Variants in PRKG1 observed in about 807,000 individuals in gnomAD.
PRKG1 encodes protein kinase cGMP-dependent 1.
In PRKG1, 35 loss-of-function variants were observed where a neutral mutation model predicts 88.1. The ratio of observed to expected loss-of-function variants is 0.40; its 90% CI spans 0.30 to 0.53. PRKG1 has a LOEUF of 0.53. PRKG1 is among the 20% of genes least tolerant of loss of function. PRKG1 has a pLI of 0.59. For synonymous variants in PRKG1, 303 were observed against 292.5 expected, an observed-to-expected ratio of 1.04 and a Z score of -0.37; for missense variants, 540 against 839.8, an observed-to-expected ratio of 0.64 and a Z score of 4.41.
intron 2 of PRKG1, among the ~76,000 whole-genome samples, chr10:51,398,969 G>A (rs533832101): frequency 3.3e-5 from 5 of 152,196 alleles, no homozygotes; most frequent in African/African-American, 1.2e-4. Flanking sequence ...AGTTCCTCTG[G>A]TTCTCAAGCC....
intron 3 of PRKG1, among the ~76,000 whole-genome samples, chr10:51,656,250 T>C (rs985464938): frequency 6.6e-6 from 1 of 152,210 alleles, no homozygotes; most frequent in Non-Finnish European, 1.5e-5. Context: ...TACAGTTGTA[T>C]GATGCATTTT....
chr10:51,355,607 T>A (rs1015692434), intron 2 of PRKG1, among the ~76,000 whole-genome samples: 7 of 152,108 alleles, frequency 4.6e-5, no homozygotes, highest in Admixed American at 3.9e-4. Context: ...TAACTTAGCG[T>A]GTTTGACAGG....
At chr10:52,226,782 G>A (rs1191609058) in intron 9 of PRKG1, among the ~76,000 whole-genome samples, 3 of 130,210 alleles carry the variant, frequency 2.3e-5, no homozygotes, top group East Asian at 4.0e-4. Flanking sequence ...AAAGGAACAG[G>A]TCAAAATCCA....
At chr10:51,198,597 G>A (rs1218238047) in intron 2 of PRKG1, among the ~76,000 whole-genome samples, 1 of 152,170 alleles carries the variant, frequency 6.6e-6, no homozygotes, top group African/African-American at 2.4e-5. Context: ...TATGAAAATT[G>A]CATTAAAGCA....
intron 5 of PRKG1, among the ~76,000 whole-genome samples, chr10:51,943,367 G>A (rs1842952281): frequency 6.6e-6 from 1 of 151,884 alleles, no homozygotes; most frequent in Admixed American, 6.6e-5. Context: ...AGATGATGGG[G>A]TTTTCTAGAT....
intron 3 of PRKG1, among the ~76,000 whole-genome samples, chr10:51,517,783 C>T (rs957155300): frequency 6.6e-6 from 1 of 152,134 alleles, no homozygotes; most frequent in Admixed American, 6.5e-5. Context: ...ATGTTTTCTT[C>T]CTCCAGAGAG....
intron 2 of PRKG1, among the ~76,000 whole-genome samples, chr10:51,236,813 G>A (rs1839005835): frequency 6.6e-6 from 1 of 151,934 alleles, no homozygotes; most frequent in Admixed American, 6.6e-5. Flanking sequence ...CATGAACCAG[G>A]TTCTTTCCAG....
intron 2 of PRKG1, among the ~76,000 whole-genome samples, chr10:51,409,704 A>AAT (rs1296708060): frequency 6.6e-6 from 1 of 151,808 alleles, no homozygotes; most frequent in African/African-American, 2.4e-5. Context: ...AATGCAAAAA[A>AAT]ATTAGCTGGC....
intron 4 of PRKG1, among the ~76,000 whole-genome samples, chr10:51,832,186 A>G (rs561446431): frequency 6.6e-6 from 1 of 152,306 alleles, no homozygotes; most frequent in Admixed American, 6.5e-5. Context: ...AGGCTAAGAA[A>G]TTTTCCAATA....
In PRKG1 at chr10:52,294,011, C is replaced by T. The variant is rs1193257067; in HGVS notation, c.*111C>T. 6 of 818,254 alleles carry T rather than the reference C, an allele frequency of 7.3e-6. No individual in the cohort carries two copies. The highest frequency in any genetic ancestry group is 5.2e-5 in the African/African-American group (3 of 57,950). 50.7% of individuals were successfully genotyped at this position (818,254 alleles called of 1,614,324 possible). A position where few individuals can be genotyped will look rare whatever the true frequency, so the allele number is the denominator to read the frequency against. The stretch of plus-strand genomic sequence containing the variant: ...ATTAGTGCTCGGGGTCACCATGATG[C>T]CTTTGATCGATGCTGCTCCAGTAAC... On this transcript the variant is annotated 3_prime_UTR_variant, in exon 18 of 18. Transcript: ENST00000373980.
At chr10:52,014,019 G>C (rs1844968904) in intron 5 of PRKG1, among the ~76,000 whole-genome samples, 1 of 152,034 alleles carries the variant, frequency 6.6e-6, no homozygotes, top group South Asian at 2.1e-4. Flanking sequence ...CTAAGGAAGA[G>C]AGGAATCCAG....
chr10:51,707,227 G>A (rs898104384), intron 3 of PRKG1, among the ~76,000 whole-genome samples: 2 of 152,146 alleles, frequency 1.3e-5, no homozygotes, highest in African/African-American at 4.8e-5. Flanking sequence ...CTTCAAATAT[G>A]TAGTCGGCTA....
chr10:52,054,417 AAGAGGCTG>A lies in PRKG1; in HGVS notation c.763-64_763-57del. ...ATATATCCCTGGGGGTTGATATTTGAAGAGGCTGAGCTGTTTGGTAACTTACTGCTTGC... is the reference window on the plus strand; with the variant it reads ...ATATATCCCTGGGGGTTGATATTTGAAGCTGTTTGGTAACTTACTGCTTGC... On this transcript the variant is annotated intron_variant, in intron 5 of 17. Coordinates refer to ENST00000373980, the MANE Select transcript of PRKG1 (RefSeq NM_006258.4). 5 of 1,167,050 alleles carry A rather than the reference AAGAGGCTG, an allele frequency of 4.3e-6. No individual in the cohort carries two copies. The South Asian group carries it at 6.3e-5, about 15-fold the overall frequency. The allele number at this position is 1,167,050 out of a possible 1,614,324, so 72.3% of individuals were successfully genotyped here.
intron 2 of PRKG1, among the ~76,000 whole-genome samples, chr10:51,457,913 T>A (rs927359114): frequency 4.6e-5 from 7 of 152,172 alleles, no homozygotes; most frequent in Admixed American, 3.3e-4. Flanking sequence ...GGGTAGCGAC[T>A]TTCAAAGCAA....
At chr10:51,530,797 C>T (rs374078861) in intron 3 of PRKG1, among the ~76,000 whole-genome samples, 175 of 152,242 alleles carry the variant, frequency 1.1e-3, no homozygotes, top group African/African-American at 4.0e-3. Context: ...AAGAAATTTC[C>T]TTTTGTCTGA....
At chr10:52,108,222 T>G (rs1847471324) in intron 7 of PRKG1, among the ~76,000 whole-genome samples, 2 of 152,224 alleles carry the variant, frequency 1.3e-5, no homozygotes, top group African/African-American at 4.8e-5. Context: ...CTTCTCTCTT[T>G]AAATTCTTAA....
At chr10:52,092,544 C>T (rs1847081450) in intron 7 of PRKG1, among the ~76,000 whole-genome samples, 1 of 152,080 alleles carries the variant, frequency 6.6e-6, no homozygotes. Flanking sequence ...TAACCTTACC[C>T]CCTTCAGCAT....
At chr10:52,270,422 T>C (rs949216889) in intron 10 of PRKG1, among the ~76,000 whole-genome samples, 4 of 152,056 alleles carry the variant, frequency 2.6e-5, no homozygotes, top group African/African-American at 4.8e-5. Context: ...CATGCACACG[T>C]ATGTTTATTG....
intron 1 of PRKG1, among the ~76,000 whole-genome samples, chr10:51,147,703 A>G (rs1010862351): frequency 6.6e-6 from 1 of 152,222 alleles, no homozygotes; most frequent in Non-Finnish European, 1.5e-5. Flanking sequence ...TGTCGCTAAC[A>G]TTAATTTTGG....
Sources: allele counts gnomAD v4.1 joint callset (sites outside exome capture counted in the v4.1 genomes callset), GRCh38; gene constraint gnomAD v4.1.1; transcripts MANE v1.5; gene names NCBI Gene and HGNC (gene_info 2026-07-23, HGNC 2026-07-21).